ANO1: variants seen among roughly 807,000 people sequenced by gnomAD.
ANO1 encodes the protein anoctamin-1.
A neutral mutation model predicts 124.0 loss-of-function variants in ANO1; 59 were observed. The ratio of observed to expected loss-of-function variants is 0.48; its 90% CI spans 0.39 to 0.59. The LOEUF (loss-of-function observed/expected upper bound fraction) is 0.59, where lower values mean the gene tolerates loss of function less well. Ranked by LOEUF, ANO1 falls within the 20% of genes least tolerant of loss-of-function variation. ANO1 has a pLI of 0.00. For synonymous variants in ANO1, 529 were observed against 532.0 expected (o/e 0.99, Z 0.08); for missense variants, 1,059 against 1,328.0 (o/e 0.80, Z 3.15).
intron 1 of ANO1, among the ~76,000 whole-genome samples, chr11:70,066,864 G>C (rs1270059271): frequency 1.3e-5 from 2 of 152,068 alleles, no homozygotes; most frequent in Admixed American, 1.3e-4. Context: ...GTTGCTGCCA[G>C]CCAGGCCCAT....
At chr11:70,137,183 G>A (rs963728667) in intron 11 of ANO1, among the ~76,000 whole-genome samples, 1 of 147,180 alleles carries the variant, frequency 6.8e-6, no homozygotes, top group African/African-American at 2.4e-5. Context: ...GTCTGTCACC[G>A]CTGAAGCACA....
chr11:70,153,677 C>T (rs1386083030), intron 14 of ANO1, among the ~76,000 whole-genome samples: 1 of 152,092 alleles, frequency 6.6e-6, no homozygotes, highest in South Asian at 2.1e-4. Context: ...TTTCTTTTTC[C>T]CCAAATGTCT....
At chr11:70,115,182 T>A (rs1388070766) in intron 7 of ANO1, among the ~76,000 whole-genome samples, 2 of 152,074 alleles carry the variant, frequency 1.3e-5, no homozygotes, top group Non-Finnish European at 1.5e-5. Flanking sequence ...TGCATTTGGT[T>A]GCTTGCTTGA....
chr11:70,184,264 G>A (rs1590948118), intron 24 of ANO1, among the ~76,000 whole-genome samples: 1 of 152,224 alleles, frequency 6.6e-6, no homozygotes, highest in Non-Finnish European at 1.5e-5. Flanking sequence ...GTGGAGGGAG[G>A]GAGGCCCTAG....
At chr11:70,094,949 A>G (rs904714767) in intron 2 of ANO1, among the ~76,000 whole-genome samples, 1 of 152,118 alleles carries the variant, frequency 6.6e-6, no homozygotes, top group Non-Finnish European at 1.5e-5. Flanking sequence ...GCTCATGCCT[A>G]TAATCCCAGC....
intron 22 of ANO1, among the ~76,000 whole-genome samples, chr11:70,171,741 T>C (rs919375896): frequency 2.6e-5 from 4 of 152,130 alleles, no homozygotes; most frequent in Admixed American, 2.6e-4. Context: ...CCCAGGAGGA[T>C]ACATAGCTTG....
intron 11 of ANO1, among the ~76,000 whole-genome samples, chr11:70,136,421 G>A (rs1036378455): frequency 2.0e-5 from 3 of 152,184 alleles, no homozygotes; most frequent in African/African-American, 2.4e-5. Context: ...AGTGAGTGTC[G>A]TGGGACCTGC....
chr11:70,186,102 A>T (rs1010682564), intron 25 of ANO1, among the ~76,000 whole-genome samples: 21 of 152,260 alleles, frequency 1.4e-4, no homozygotes, highest in Non-Finnish European at 2.8e-4. Context: ...CCTGGCCAAC[A>T]TGGTGAAACC....
chr11:69,988,281 A>G (rs569676917), intron 1 of ANO1, among the ~76,000 whole-genome samples: 1 of 152,308 alleles, frequency 6.6e-6, no homozygotes, highest in Admixed American at 6.5e-5. Context: ...GAGAGGAAGC[A>G]CTTATCTTGT....
chr11:70,008,381 A>C (rs1418149190), intron 1 of ANO1, among the ~76,000 whole-genome samples: 3 of 152,158 alleles, frequency 2.0e-5, no homozygotes, highest in Admixed American at 6.5e-5. Flanking sequence ...TGCAGGTCTT[A>C]TGTTTAGGTC....
At chr11:70,140,046 T>C (rs958651099) in intron 11 of ANO1, among the ~76,000 whole-genome samples, 2 of 152,074 alleles carry the variant, frequency 1.3e-5, no homozygotes, top group Non-Finnish European at 2.9e-5. Context: ...GGCCCCGGGC[T>C]AAGGGCTCTA....
chr11:70,169,066 G>A (rs1430292259), intron 21 of ANO1, among the ~76,000 whole-genome samples: 1 of 152,212 alleles, frequency 6.6e-6, no homozygotes, highest in Non-Finnish European at 1.5e-5. Context: ...GGGTCTGGGA[G>A]GTGGCTTCCC....
At position 70,162,082 on chromosome 11, in the gene ANO1, G is replaced by A. The variant is rs148785220; in HGVS notation, c.1892+349G>A. Among the ~76,000 whole-genome samples the A allele has an allele frequency of 6.1e-3, 904 of 148,904 alleles. 7 individuals carry two copies. The highest frequency in any genetic ancestry group is 0.021 in the African/African-American group (858 of 40,322). Reference sequence around the variant, plus strand: ...GTGAGGACCCGGCAGTGAGGGCCCCGGGCAGTGAGGACCCGGGAGTGAGGG... The same window carrying A: ...GTGAGGACCCGGCAGTGAGGGCCCCAGGCAGTGAGGACCCGGGAGTGAGGG... On this transcript the variant is annotated intron_variant, in intron 18 of 25. Transcript: ENST00000355303.
At chr11:69,977,653 C>T in the ANO1 span, among the ~76,000 whole-genome samples, 1 of 152,328 alleles carries the variant, frequency 6.6e-6, no homozygotes, top group South Asian at 2.1e-4. Flanking sequence ...CAGTGCCCAT[C>T]CCTGCCAGGG....
intron 8 of ANO1, among the ~76,000 whole-genome samples, chr11:70,123,590 T>G (rs2046380774): frequency 6.6e-6 from 1 of 152,124 alleles, no homozygotes; most frequent in Admixed American, 6.5e-5. Flanking sequence ...GGAGGGCAGC[T>G]GCCCCACCTC....
At chr11:70,111,075 C>G (rs1161066902) in intron 6 of ANO1, 4 of 451,632 alleles carry the variant, frequency 8.9e-6, no homozygotes, top group Non-Finnish European at 1.8e-5. Flanking sequence ...CCAAATGTAG[C>G]TTTGATCCTG....
At chr11:70,168,204 G>T (rs1019551108) in intron 21 of ANO1, among the ~76,000 whole-genome samples, 1 of 152,164 alleles carries the variant, frequency 6.6e-6, no homozygotes, top group African/African-American at 2.4e-5. Context: ...CTCTGCACAT[G>T]CTGGCCTCCT....
rs1393629747 is a variant in ANO1 at position 70,131,897 on chromosome 11, AGGGC to A, written c.1098-21_1098-18del. On this transcript the variant is annotated intron_variant, in intron 10 of 25. Transcript: ENST00000355303. ...CATCATGGCCCAACAAGGTGACTCC[AGGGC>A]TGCCCCCTCTCTTGCAGCATGGAGA... 6.3e-7 allele frequency: 1 copy of A among 1,596,560 alleles called. No homozygotes were observed. The highest frequency in any genetic ancestry group is 2.2e-5 in the East Asian group (1 of 44,664).
At chr11:70,186,238 G>A (rs1293048909) in intron 25 of ANO1, among the ~76,000 whole-genome samples, 1 of 151,924 alleles carries the variant, frequency 6.6e-6, no homozygotes, top group Non-Finnish European at 1.5e-5. Context: ...AGTGAGCCGA[G>A]ATCGTGCCAC....
Sources: allele counts gnomAD v4.1 joint callset (sites outside exome capture counted in the v4.1 genomes callset), GRCh38; gene constraint gnomAD v4.1.1; transcripts MANE v1.5; gene names NCBI Gene and HGNC (gene_info 2026-07-23, HGNC 2026-07-21).